BRPF3: variants seen among roughly 807,000 people sequenced by gnomAD.
The protein encoded by BRPF3 is bromodomain and PHD finger containing 3.
BRPF3 carries 18 observed loss-of-function variants against 102.0 expected under a neutral mutation model. That is an observed-to-expected ratio of 0.18 (90% CI 0.12 to 0.26). The LOEUF (loss-of-function observed/expected upper bound fraction) is 0.26. Among genes scored for constraint, BRPF3 ranks in the 10% least tolerant of loss-of-function variants. The probability of loss-of-function intolerance (pLI) is 1.00; values close to 1 mark genes in which losing one functional copy is unlikely to be tolerated. For synonymous variants in BRPF3, 570 were observed against 614.2 expected, an observed-to-expected ratio of 0.93 and a Z score of 1.06; for missense variants, 1,147 against 1,567.8, an observed-to-expected ratio of 0.73 and a Z score of 4.53.
At chr6:36,197,169 G>A (rs913750367) in intron 1 of BRPF3, 199 bp downstream of exon 1, 2 of 152,638 alleles carry the variant, frequency 1.3e-5, no homozygotes, top group African/African-American at 2.4e-5. Flanking sequence ...GAGAAGCGAG[G>A]ACCCCCTCCC....
rs751624954 is a variant in BRPF3 at position 36,200,312 on chromosome 6, T to C, written c.-11T>C. On this transcript the variant is annotated 5_prime_UTR_variant, in exon 2 of 13. Coordinates refer to ENST00000357641, the MANE Select transcript of BRPF3 (RefSeq NM_015695.3). This position sits in a 1 kb window ranked among gnomAD's most constrained non-coding sequence, Gnocchi z 5.3. ...CTCTCCTTAGGCCTGTCCCCTCAGT[T>C]CCCAGGTGCCATGAGGAAGCCTCGT... 19 of 1,610,112 alleles carry C rather than the reference T, an allele frequency of 1.2e-5. No individual in the cohort carries two copies. The highest frequency in any genetic ancestry group is 1.5e-5 in the Non-Finnish European group (18 of 1,177,888).
intron 7 of BRPF3, 41 bp from the exon 8 acceptor site, chr6:36,213,839 C>T: frequency 1.3e-6 from 2 of 1,544,476 alleles, no homozygotes; most frequent in Non-Finnish European, 1.7e-6. Flanking sequence ...GGAGCAGACT[C>T]TTTCTAAAAT....
rs2127299361 is a variant in BRPF3 at position 36,230,378 on chromosome 6, C to G, written c.3435-48C>G. ...AGTGGGGCCACAGGAGCCCGAGCCC[C>G]CTGTGAGACCCACTACTGCCCAGCC... On this transcript the variant is annotated intron_variant, in intron 12 of 12. Coordinates refer to ENST00000357641, the MANE Select transcript of BRPF3 (RefSeq NM_015695.3). This position sits in a 1 kb window ranked among gnomAD's most constrained non-coding sequence, Gnocchi z 5.4. The G allele has an allele frequency of 6.3e-7, 1 of 1,590,492 alleles. No homozygotes were observed. Among genetic ancestry groups the G allele is most frequent in the Non-Finnish European group, 8.6e-7 (1 of 1,163,238 alleles).
chr6:36,202,412 C>CG (rs1038111516), intron 2 of BRPF3, among the ~76,000 whole-genome samples: 36 of 131,862 alleles, frequency 2.7e-4, no homozygotes, highest in East Asian at 1.1e-3. Flanking sequence ...CTCTGTGGAC[C>CG]CCCCCCCCCT....
chr6:36,202,071 A>G (rs1581944235), intron 2 of BRPF3, among the ~76,000 whole-genome samples: 1 of 152,184 alleles, frequency 6.6e-6, no homozygotes, highest in Non-Finnish European at 1.5e-5. Context: ...TGGACAGGAT[A>G]ATTCTTCGTT....
rs767029112 is a variant in BRPF3, at chr6:36,230,503, G to A, written c.3512G>A (p.Arg1171His). The change falls in exon 13 of 13, where the codon CGC becomes CAC. Residue 1171 changes from arginine (R) to histidine (H), a missense_variant. Arg to His is a conservative substitution (Grantham distance 29, BLOSUM62 0). This residue lies in a region of BRPF3 where 85 missense variants were observed against 172.9 expected (regional missense o/e 0.49). Coordinates refer to ENST00000357641, the MANE Select transcript of BRPF3 (RefSeq NM_015695.3). This position sits in a 1 kb window ranked among gnomAD's most constrained non-coding sequence, Gnocchi z 5.4. ...TVDKLKMLEGRKTSIRKSVQV... is the reference protein window; with the variant it reads ...TVDKLKMLEGHKTSIRKSVQV... ...GACAAGCTCAAGATGCTGGAAGGCC[G>A]CAAGACCAGCATCCGCAAGTCAGTG... 1.2e-6 allele frequency: 2 copies of A among 1,614,166 alleles called. No homozygotes were observed. The highest frequency in any genetic ancestry group is 1.3e-5 in the African/African-American group (1 of 75,036).
At chr6:36,215,646 C>T (rs914837356) in intron 8 of BRPF3, among the ~76,000 whole-genome samples, 4 of 152,096 alleles carry the variant, frequency 2.6e-5, no homozygotes, top group Non-Finnish European at 5.9e-5. Flanking sequence ...CTGAGCTGGC[C>T]CTGTGGGATG....
intron 9 of BRPF3, among the ~76,000 whole-genome samples, chr6:36,219,937 T>C (rs1768475311): frequency 6.6e-6 from 1 of 152,242 alleles, no homozygotes; most frequent in South Asian, 2.1e-4. Context: ...ACATGTGCTT[T>C]CTATAGATCA....
At chr6:36,215,287 T>G (rs1000608771) in intron 8 of BRPF3, among the ~76,000 whole-genome samples, 26 of 152,130 alleles carry the variant, frequency 1.7e-4, no homozygotes, top group African/African-American at 6.3e-4. Context: ...TGCTAATTTT[T>G]GTGTTTTTAG....
At chr6:36,204,840 G>A (rs1199130101) in intron 3 of BRPF3, 26 bp downstream of exon 3, 2 of 1,606,358 alleles carry the variant, frequency 1.2e-6, no homozygotes, top group South Asian at 1.1e-5. Context: ...ATTTGAGGCT[G>A]GTAGAGGGAG....
chr6:36,220,023 G>C (rs1561831773), intron 9 of BRPF3, among the ~76,000 whole-genome samples: 1 of 152,204 alleles, frequency 6.6e-6, no homozygotes, highest in East Asian at 1.9e-4. Flanking sequence ...CTGTTCTCAT[G>C]AAGATTATCT....
At chr6:36,208,540 C>T (rs1008919799) in intron 4 of BRPF3, among the ~76,000 whole-genome samples, 2 of 152,234 alleles carry the variant, frequency 1.3e-5, no homozygotes, top group African/African-American at 4.8e-5. Flanking sequence ...TCAGCCTTAG[C>T]ACAACCCCTT....
Position 36,200,455 on chromosome 6 carries a change from A to G in BRPF3, c.133A>G (p.Ile45Val). The change falls in exon 2 of 13, where the codon ATT becomes GTT. Residue 45 changes from isoleucine (I) to valine (V), a missense_variant. Ile to Val is a conservative substitution (Grantham distance 29). Coordinates refer to ENST00000357641, the MANE Select transcript of BRPF3 (RefSeq NM_015695.3). The surrounding 1 kb of genome is among the most constrained non-coding windows in gnomAD (Gnocchi z 5.3). ...GGCCCAGCGGATTGTCGAGGTAGAC[A>G]TTGATGGACGCCTGCATCGTATCAG... ...AQAQRIVEVD[I>V]DGRLHRISIY... The G allele has an allele frequency of 1.2e-6, 2 of 1,614,252 alleles. No homozygotes were observed. The highest frequency in any genetic ancestry group is 1.7e-6 in the Non-Finnish European group (2 of 1,180,040).
chr6:36,225,839 T>C (rs531800621), intron 11 of BRPF3, among the ~76,000 whole-genome samples: 1 of 152,348 alleles, frequency 6.6e-6, no homozygotes, highest in African/African-American at 2.4e-5. Flanking sequence ...GCCTGTGTTC[T>C]GAGCCACTGA....
intron 1 of BRPF3, chr6:36,197,502 C>T (rs971460238): frequency 4.6e-5 from 7 of 152,330 alleles, no homozygotes; most frequent in Non-Finnish European, 1.0e-4. Context: ...GAAGAGGTGC[C>T]CCCTTAAAGG....
chr6:36,227,020 C>CT (rs1001065711), intron 11 of BRPF3, among the ~76,000 whole-genome samples: 15 of 152,040 alleles, frequency 9.9e-5, no homozygotes, highest in Non-Finnish European at 1.9e-4. Flanking sequence ...TAAAACTCGT[C>CT]TTTTTTTTAA....
chr6:36,204,563 G>C (rs961491394), intron 2 of BRPF3, 95 bp from the exon 3 acceptor site: 1 of 1,430,576 alleles, frequency 7.0e-7, no homozygotes, highest in Admixed American at 1.7e-5. Context: ...TCCTGTATAA[G>C]GTTCAGAAAT....
At chr6:36,205,046 A>G (rs570486404) in intron 3 of BRPF3, among the ~76,000 whole-genome samples, 43 of 152,332 alleles carry the variant, frequency 2.8e-4, no homozygotes, top group Admixed American at 2.4e-3. Flanking sequence ...AGTGGAGAGC[A>G]TGCGTAGCTT....
rs781252237 is a variant in BRPF3, at chr6:36,200,874, T to C, written c.552T>C (p.Phe184=). 6.2e-7 allele frequency: 1 copy of C among 1,614,192 alleles called. No homozygotes were observed. The change falls in exon 2 of 13, where the codon TTT becomes TTC. Residue 184 remains phenylalanine (F), a synonymous_variant. Transcript: ENST00000357641. This position sits in a 1 kb window ranked among gnomAD's most constrained non-coding sequence, Gnocchi z 5.3. ...DGHSLVSADT[F]ELLVDRLEKE... ...ACAGTTTGGTGTCTGCAGATACCTT[T>C]GAGCTGCTGGTAGACCGGCTTGAGA...
Sources: gnomAD v4.1 joint callset for allele counts (sites outside exome capture counted in the v4.1 genomes callset) on GRCh38, gnomAD v4.1.1 for gene constraint, gnomAD v4.1.1 regional missense constraint, Gnocchi (gnomAD v3.1) non-coding constraint, MANE v1.5 for transcripts, NCBI Gene and HGNC (gene_info 2026-07-23, HGNC 2026-07-21) for gene names.